C1orf167: variants seen among roughly 807,000 people sequenced by gnomAD.
C1orf167 encodes uncharacterized protein C1orf167.
In C1orf167, 153 loss-of-function variants were observed where a neutral mutation model predicts 176.5. That is an observed-to-expected ratio of 0.87 (90% CI 0.76 to 0.99). The LOEUF is 0.99. C1orf167 is among the 50% of genes least tolerant of loss of function. C1orf167 has a pLI of 0.00. For synonymous variants in C1orf167, 594 were observed against 752.7 expected, an observed-to-expected ratio of 0.79 and a Z score of 3.45; for missense variants, 1,490 against 1,817.7, an observed-to-expected ratio of 0.82 and a Z score of 3.28.
At chr1:11,772,371 C>A in intron 8 of C1orf167, 112 bp downstream of exon 8, 1 of 945,412 alleles carries the variant, frequency 1.1e-6, no homozygotes, top group Non-Finnish European at 1.4e-6. Context: ...CTCAAGCAAT[C>A]CTCCCACCTC....
At chr1:11,765,380 T>A (rs904059431) in intron 2 of C1orf167, among the ~76,000 whole-genome samples, 7 of 152,084 alleles carry the variant, frequency 4.6e-5, no homozygotes, top group Non-Finnish European at 1.0e-4. Context: ...CCAGAGCAGC[T>A]TACCTTTAGC....
chr1:11,782,951 C>A lies in C1orf167; in HGVS notation c.3005+618C>A, dbSNP rs191602286. Among the ~76,000 whole-genome samples, 1,329 of 150,350 alleles carry A rather than the reference C, an allele frequency of 8.8e-3. 23 individuals are homozygous for A. The highest frequency in any genetic ancestry group is 0.031 in the African/African-American group (1,280 of 40,790). On this transcript the variant is annotated intron_variant, in intron 14 of 20. Coordinates refer to ENST00000688073, the MANE Select transcript of C1orf167 (RefSeq NM_001010881.2). The stretch of plus-strand genomic sequence containing the variant: ...AAAAAAAAAAAGGAGGAGAAATCCA[C>A]TCCTCGGAAATCTACCATAACGCCC...
intron 10 of C1orf167, 103 bp from the exon 11 acceptor site, chr1:11,778,557 G>A: frequency 9.6e-7 from 1 of 1,038,724 alleles, no homozygotes; most frequent in South Asian, 1.6e-5. Context: ...CACCCTTTCA[G>A]CCCATCTCTT....
Position 11,767,095 on chromosome 1 carries a change from C to A in C1orf167, c.1299+10C>A. 1.9e-6 allele frequency: 2 copies of A among 1,076,604 alleles called. No homozygotes were observed. Among genetic ancestry groups the A allele is most frequent in the South Asian group, 1.4e-5 (1 of 69,342 alleles). 66.7% of individuals were successfully genotyped at this position (1,076,604 alleles called of 1,614,324 possible). ...GAGCAGTGCGTCGAAGGTAGAGGCC[C>A]GGGGAGGCTGGAGGTGGGGTAGGGG... On this transcript the variant is annotated intron_variant, in intron 3 of 20. Coordinates refer to ENST00000688073, the MANE Select transcript of C1orf167 (RefSeq NM_001010881.2).
At chr1:11,787,568 C>A in intron 17 of C1orf167, 75 bp downstream of exon 17, 1 of 1,052,136 alleles carries the variant, frequency 9.5e-7, no homozygotes, top group South Asian at 1.5e-5. Context: ...CCTCAGGGGC[C>A]TGGAAATCAG....
At chr1:11,764,615 G>A in intron 2 of C1orf167, 145 bp downstream of exon 2, 1 of 592,566 alleles carries the variant, frequency 1.7e-6, no homozygotes, top group Non-Finnish European at 2.6e-6. Flanking sequence ...CTGGACATAG[G>A]ACAGAGTCTT....
rs1643639322 is a variant in C1orf167, at chr1:11,782,349, G to A, written c.3005+16G>A. On this transcript the variant is annotated intron_variant, in intron 14 of 20. Coordinates refer to ENST00000688073, the MANE Select transcript of C1orf167 (RefSeq NM_001010881.2). ...TACTGCAGAGGTGGGTGGGCCTGGGGGTGGGAGGGTGTTGGTCCTCCCCAC... is the reference window on the plus strand; with the variant it reads ...TACTGCAGAGGTGGGTGGGCCTGGGAGTGGGAGGGTGTTGGTCCTCCCCAC... 8.2e-7 allele frequency: 1 copy of A among 1,226,010 alleles called. No individual in the cohort carries two copies. The allele number at this position is 1,226,010 out of a possible 1,614,324, so 75.9% of individuals were successfully genotyped here.
chr1:11,785,960 T>C (rs1196295816), intron 16 of C1orf167: 1 of 152,006 alleles, frequency 6.6e-6, no homozygotes, highest in Non-Finnish European at 1.5e-5. Flanking sequence ...CTCGAACTCC[T>C]GAACTCAAGT....
intron 20 of C1orf167, chr1:11,789,039 C>T (rs879523777): frequency 2.5e-6 from 1 of 401,774 alleles, no homozygotes; most frequent in Admixed American, 3.8e-5. Context: ...GGGCCTGGGT[C>T]CTGAGCGCCC....
chr1:11,771,069 A>ATATATTTT (rs1557726938), intron 6 of C1orf167, among the ~76,000 whole-genome samples: 1 of 47,224 alleles, frequency 2.1e-5, no homozygotes, highest in Non-Finnish European at 3.4e-5. Context: ...ATATATATAT[A>ATATATTTT]TTTTTTTTTT....
intron 10 of C1orf167, 55 bp from the exon 11 acceptor site, chr1:11,778,605 C>T: frequency 8.0e-7 from 1 of 1,245,896 alleles, no homozygotes. Context: ...TGCTTGGCCA[C>T]CCTGCACAGC....
chr1:11,781,692 C>G (rs903130812), intron 13 of C1orf167, among the ~76,000 whole-genome samples: 1 of 152,080 alleles, frequency 6.6e-6, no homozygotes, highest in African/African-American at 2.4e-5. Context: ...TGGCGGATCA[C>G]GAGGTCAGGA....
chr1:11,762,863 A>AG (rs984577787), intron 1 of C1orf167, among the ~76,000 whole-genome samples: 1 of 152,206 alleles, frequency 6.6e-6, no homozygotes, highest in African/African-American at 2.4e-5. Context: ...AGGCCACTGG[A>AG]GGGAGAAATA....
At position 11,788,371 on chromosome 1, in the gene C1orf167, G is replaced by T. The variant is rs555815683; in HGVS notation, c.4071G>T (p.Ala1357=). ...GCCCAAGGGGCAGAGCAGCTGGTGCGGACCCTGGTGAGTGGGTGCACCCCT... is the reference window on the plus strand; with the variant it reads ...GCCCAAGGGGCAGAGCAGCTGGTGCTGACCCTGGTGAGTGGGTGCACCCCT... The part of the protein sequence containing the change: ...GGCPRGRAAG[A]DPAQGVAPEM... Residue 1357 remains alanine (A), a synonymous_variant, in exon 19 of 21, where the codon GCG becomes GCT. Transcript: ENST00000688073. The T allele has an allele frequency of 7.7e-7, 1 of 1,292,298 alleles. No individual in the cohort carries two copies. Among genetic ancestry groups the T allele is most frequent in the Non-Finnish European group, 1.0e-6 (1 of 980,360 alleles). 80.1% of individuals were successfully genotyped at this position (1,292,298 alleles called of 1,614,324 possible).
At chr1:11,769,891 A>G (rs1462050398) in intron 6 of C1orf167, among the ~76,000 whole-genome samples, 1 of 151,996 alleles carries the variant, frequency 6.6e-6, no homozygotes, top group African/African-American at 2.4e-5. Context: ...CAGGACCTCA[A>G]GTGATCCACC....
At chr1:11,780,686 G>A (rs1330119592) in intron 13 of C1orf167, among the ~76,000 whole-genome samples, 1 of 152,202 alleles carries the variant, frequency 6.6e-6, no homozygotes, top group African/African-American at 2.4e-5. Context: ...ACTGGTCGGA[G>A]CCCTGAGTTG....
At chr1:11,788,444 C>T in intron 19 of C1orf167, 66 bp downstream of exon 19, 3 of 1,237,104 alleles carry the variant, frequency 2.4e-6, no homozygotes, top group Non-Finnish European at 3.2e-6. Context: ...ACCCAAACCC[C>T]TCTCAAAAGT....
At chr1:11,777,292 CAGG>C (rs1643364882) in intron 10 of C1orf167, 1 of 152,742 alleles carries the variant, frequency 6.5e-6, no homozygotes, top group Non-Finnish European at 1.5e-5. Context: ...GGGTGGCGAT[CAGG>C]AGAAGCCAGC....
chr1:11,779,687 G>A, intron 12 of C1orf167, 115 bp from the exon 13 acceptor site: 1 of 782,438 alleles, frequency 1.3e-6, no homozygotes, highest in South Asian at 1.8e-5. Context: ...GGAAACAGAA[G>A]AGTCACCCAG....
Sources: allele counts gnomAD v4.1 joint callset (sites outside exome capture counted in the v4.1 genomes callset), GRCh38; gene constraint gnomAD v4.1.1; transcripts MANE v1.5; gene names NCBI Gene and HGNC (gene_info 2026-07-23, HGNC 2026-07-21).